The following FUT9 variants were observed in gnomAD, a reference collection of about 807,000 sequenced individuals.
FUT9 encodes fucosyltransferase 9.
Under a neutral mutation model 29.7 loss-of-function variants are expected in FUT9, and 15 were observed. The observed-to-expected ratio is 0.51, with a 90% CI of 0.34 to 0.78. The LOEUF (loss-of-function observed/expected upper bound fraction) is 0.78, where lower values mean the gene tolerates loss of function less well. FUT9 is among the 30% of genes least tolerant of loss of function. The probability of loss-of-function intolerance (pLI) is 0.01; values close to 1 mark genes in which losing one functional copy is unlikely to be tolerated. For synonymous variants in FUT9, 169 were observed against 153.7 expected (o/e 1.10, Z -0.74); for missense variants, 319 against 425.4 (o/e 0.75, Z 2.20).
intron 1 of FUT9, among the ~76,000 whole-genome samples, chr6:96,026,303 A>T (rs1219769815): frequency 1.3e-5 from 2 of 151,702 alleles, no homozygotes; most frequent in Non-Finnish European, 3.0e-5. Flanking sequence ...AACTTTTGTT[A>T]TCTGAGATTG....
At chr6:96,063,279 C>CAA (rs1214968772) in intron 1 of FUT9, among the ~76,000 whole-genome samples, 3 of 152,120 alleles carry the variant, frequency 2.0e-5, no homozygotes, top group Admixed American at 6.6e-5. Flanking sequence ...TTAATTGGCT[C>CAA]ACGGTTCTGT....
At chr6:96,190,840 C>A (rs542862084) in intron 2 of FUT9, among the ~76,000 whole-genome samples, 2 of 152,102 alleles carry the variant, frequency 1.3e-5, no homozygotes, top group Non-Finnish European at 2.9e-5. Flanking sequence ...AGCTTCTTTG[C>A]GATGGGTTCA....
At chr6:96,104,315 T>C (rs943209774) in intron 1 of FUT9, among the ~76,000 whole-genome samples, 10 of 152,252 alleles carry the variant, frequency 6.6e-5, no homozygotes, top group African/African-American at 1.9e-4. Context: ...TCTTTAGTAA[T>C]GTTTTCACTT....
At chr6:96,088,315 T>C (rs1771353164) in intron 1 of FUT9, among the ~76,000 whole-genome samples, 1 of 152,110 alleles carries the variant, frequency 6.6e-6, no homozygotes, top group African/African-American at 2.4e-5. Flanking sequence ...TTTATTATGA[T>C]ATGCTGTGGT....
rs188616432 is a variant in FUT9 at position 96,120,751 on chromosome 6, G to A, written c.-9+6624G>A. 2.3e-3 allele frequency among the ~76,000 whole-genome samples: 354 copies of A among 150,674 alleles called. 4 individuals are homozygous for A. The highest frequency in any genetic ancestry group is 8.3e-3 in the African/African-American group (339 of 41,004). Reference sequence around the variant, plus strand: ...GTTAATTTTAGGAGTAATTGGGGTAGCCTGGAAGAAATCACTTATGGGAGA... The same window carrying A: ...GTTAATTTTAGGAGTAATTGGGGTAACCTGGAAGAAATCACTTATGGGAGA... On this transcript the variant is annotated intron_variant, in intron 2 of 2. Transcript: ENST00000302103.
At chr6:96,045,884 C>G (rs145521833) in intron 1 of FUT9, among the ~76,000 whole-genome samples, 1 of 152,094 alleles carries the variant, frequency 6.6e-6, no homozygotes, top group Non-Finnish European at 1.5e-5. Flanking sequence ...ATGGGTGCCT[C>G]GAGGAGGAGG....
At position 96,209,842 on chromosome 6, in the gene FUT9, C is replaced by T. The variant is rs184466529; in HGVS notation, c.*5607C>T. 1 of 166,594 alleles carries T rather than the reference C, an allele frequency of 6.0e-6. No homozygotes were observed. Among genetic ancestry groups the T allele is most frequent in the African/African-American group, 2.4e-5 (1 of 41,510 alleles). The allele number at this position is 166,594 out of a possible 1,614,324, so 10.3% of individuals were successfully genotyped here. A position where few individuals can be genotyped will look rare whatever the true frequency, so the allele number is the denominator to read the frequency against. ...AGTGTTAACAATACCGATTTCTGGG[C>T]TTTGAGCCATGAAATTAGAATTTCT... On this transcript the variant is annotated 3_prime_UTR_variant, in exon 3 of 3. Transcript: ENST00000302103.
intron 1 of FUT9, among the ~76,000 whole-genome samples, chr6:96,065,494 G>T (rs528891839): frequency 3.3e-5 from 5 of 152,078 alleles, no homozygotes; most frequent in South Asian, 2.1e-4. Context: ...TTGGCCATGT[G>T]GCTACTCCAT....
intron 1 of FUT9, among the ~76,000 whole-genome samples, chr6:96,065,178 T>C (rs886685731): frequency 2.0e-5 from 3 of 152,136 alleles, no homozygotes; most frequent in Non-Finnish European, 4.4e-5. Context: ...GGCCAAATTA[T>C]AAAAATATTC....
intron 1 of FUT9, among the ~76,000 whole-genome samples, chr6:96,107,867 T>A (rs536006870): frequency 6.6e-6 from 1 of 152,272 alleles, no homozygotes; most frequent in South Asian, 2.1e-4. Context: ...ATCATTCAAG[T>A]GAGCTAAGTG....
chr6:96,041,257 A>T (rs531395515), intron 1 of FUT9, among the ~76,000 whole-genome samples: 9 of 152,138 alleles, frequency 5.9e-5, no homozygotes, highest in African/African-American at 2.2e-4. Flanking sequence ...AATATTTTAT[A>T]TATTGAATTC....
At chr6:96,071,085 T>C (rs535281878) in intron 1 of FUT9, among the ~76,000 whole-genome samples, 1 of 152,310 alleles carries the variant, frequency 6.6e-6, no homozygotes, top group Admixed American at 6.5e-5. Flanking sequence ...CTAATGCATA[T>C]TGGATAAAAA....
At chr6:96,154,488 TTG>T (rs1222517633) in intron 2 of FUT9, among the ~76,000 whole-genome samples, 1 of 152,200 alleles carries the variant, frequency 6.6e-6, no homozygotes, top group African/African-American at 2.4e-5. Flanking sequence ...TAAAGTAAGA[TTG>T]TGTGAGACAG....
rs1773834859 is a variant in FUT9 at position 96,206,602 on chromosome 6, A to C, written c.*2367A>C. The C allele has an allele frequency of 6.1e-6, 1 of 163,708 alleles. No homozygotes were observed. The highest frequency in any genetic ancestry group is 2.4e-5 in the African/African-American group (1 of 41,394). The allele number at this position is 163,708 out of a possible 1,614,324, so 10.1% of individuals were successfully genotyped here. A position where few individuals can be genotyped will look rare whatever the true frequency, so the allele number is the denominator to read the frequency against. On this transcript the variant is annotated 3_prime_UTR_variant, in exon 3 of 3. Transcript: ENST00000302103. ...ATCAGCCTCCCGAGTAGCTAGGATTACAGGCGTGTACCACTATGCCTGGCT... is the reference window on the plus strand; with the variant it reads ...ATCAGCCTCCCGAGTAGCTAGGATTCCAGGCGTGTACCACTATGCCTGGCT...
rs1300141887 is a variant in FUT9, at chr6:96,198,114, C to CT, written c.-8-5025dup. Among the ~76,000 whole-genome samples, 142 of 150,368 alleles carry CT rather than the reference C, an allele frequency of 9.4e-4. 5 individuals carry two copies. In the South Asian group the frequency reaches 0.021, roughly 22 times the overall value. Reference sequence around the variant, plus strand: ...TTCAGTAGAGTGTTCTTTTTTTTTCCTTTTTTTTTATTATTATTGTACTTT... The same window carrying CT: ...TTCAGTAGAGTGTTCTTTTTTTTTCCTTTTTTTTTTATTATTATTGTACTTT... On this transcript the variant is annotated intron_variant, in intron 2 of 2. Transcript: ENST00000302103.
chr6:96,065,423 TTTA>T (rs1220960350), intron 1 of FUT9, among the ~76,000 whole-genome samples: 10 of 152,106 alleles, frequency 6.6e-5, no homozygotes, highest in South Asian at 4.1e-4. Flanking sequence ...AAAAAATATG[TTTA>T]TTGAGAAGAT....
intron 2 of FUT9, among the ~76,000 whole-genome samples, chr6:96,171,651 T>C (rs1255292310): frequency 6.6e-6 from 1 of 152,138 alleles, no homozygotes; most frequent in African/African-American, 2.4e-5. Context: ...TGGAGCAGGA[T>C]AAAAACAAAA....
At chr6:96,155,279 T>C (rs1772758582) in intron 2 of FUT9, among the ~76,000 whole-genome samples, 1 of 152,200 alleles carries the variant, frequency 6.6e-6, no homozygotes, top group Non-Finnish European at 1.5e-5. Context: ...AGGTCTTTCT[T>C]GTCTTTTTGG....
intron 1 of FUT9, among the ~76,000 whole-genome samples, chr6:96,073,310 G>A (rs141640830): frequency 2.1e-3 from 315 of 152,030 alleles, no homozygotes; most frequent in Non-Finnish European, 3.9e-3. Flanking sequence ...TTAGCCAGGC[G>A]TGGTGACACA....
Sources: allele counts gnomAD v4.1 joint callset (sites outside exome capture counted in the v4.1 genomes callset), GRCh38; gene constraint gnomAD v4.1.1; transcripts MANE v1.5; gene names NCBI Gene and HGNC (gene_info 2026-07-23, HGNC 2026-07-21).